Variants in PRDM11 observed in about 807,000 individuals in gnomAD.
PRDM11 encodes the protein PR domain-containing protein 11.
In PRDM11, 20 loss-of-function variants were observed where a neutral mutation model predicts 97.8. That is an observed-to-expected ratio of 0.20 (90% CI 0.14 to 0.30). The LOEUF is 0.30. PRDM11 is among the 10% of genes least tolerant of loss of function. The probability of loss-of-function intolerance (pLI) is 1.00; values close to 1 mark genes in which losing one functional copy is unlikely to be tolerated. For synonymous variants in PRDM11, 599 were observed against 637.7 expected (o/e 0.94, Z 0.91); for missense variants, 1,139 against 1,555.2 (o/e 0.73, Z 4.50).
At chr11:45,207,743 T>G (rs1853568729) in intron 5 of PRDM11, among the ~76,000 whole-genome samples, 1 of 152,224 alleles carries the variant, frequency 6.6e-6, no homozygotes, top group Non-Finnish European at 1.5e-5. Flanking sequence ...GCCACCATCT[T>G]GGACTGGGTA....
intron 1 of PRDM11, 151 bp from the exon 2 acceptor site, chr11:45,181,610 T>A (rs1479865357): frequency 1.6e-6 from 1 of 644,866 alleles, no homozygotes; most frequent in East Asian, 2.8e-5. Context: ...ACAGCTGTTT[T>A]TGTTGTCTGT....
intron 5 of PRDM11, chr11:45,208,940 T>C: frequency 2.2e-6 from 1 of 456,694 alleles, no homozygotes; most frequent in Non-Finnish European, 4.4e-6. Flanking sequence ...TGGACATTCT[T>C]GTCACAGAGG....
chr11:45,145,787 A>G (rs935048253), upstream of PRDM11, among the ~76,000 whole-genome samples: 9 of 152,260 alleles, frequency 5.9e-5, no homozygotes, highest in Middle Eastern at 3.4e-3. Flanking sequence ...CAAGGCTTCC[A>G]GCCCCATCGC....
At chr11:45,116,711 G>A (rs1590348622) in intron 1 of PRDM11, among the ~76,000 whole-genome samples, 1 of 152,302 alleles carries the variant, frequency 6.6e-6, no homozygotes, top group East Asian at 1.9e-4. Context: ...TTTGTACTTT[G>A]TTATGGCAGT....
At chr11:45,128,026 T>G (rs2135641594) in intron 1 of PRDM11, among the ~76,000 whole-genome samples, 1 of 152,344 alleles carries the variant, frequency 6.6e-6, no homozygotes, top group South Asian at 2.1e-4. Flanking sequence ...CTGCTTTGTT[T>G]ACCTATGCAA....
intron 1 of PRDM11, among the ~76,000 whole-genome samples, chr11:45,166,276 A>T (rs1384834974): frequency 6.6e-6 from 1 of 152,142 alleles, no homozygotes; most frequent in Non-Finnish European, 1.5e-5. Context: ...ATGAGGTGGC[A>T]CAGTGGTTGG....
chr11:45,105,549 G>T (rs1315812299), intron 1 of PRDM11, among the ~76,000 whole-genome samples: 4 of 152,250 alleles, frequency 2.6e-5, no homozygotes, highest in Non-Finnish European at 5.9e-5. Context: ...GAGGGCCTCA[G>T]CCTCCACTGC....
chr11:45,096,197 G>A (rs1273826995), intron 1 of PRDM11, among the ~76,000 whole-genome samples: 1 of 152,168 alleles, frequency 6.6e-6, no homozygotes, highest in Non-Finnish European at 1.5e-5. Flanking sequence ...GCAGGCACCT[G>A]CCATGTTCAC....
rs935016060 is a variant in PRDM11 at position 45,229,731 on chromosome 11, T to G, written c.*1572T>G. Reference sequence around the variant, plus strand: ...TTTATGCATATTTTATATGCAGAGATCCTATCACGTGGATGCAGGTCATTT... The same window carrying G: ...TTTATGCATATTTTATATGCAGAGAGCCTATCACGTGGATGCAGGTCATTT... On this transcript the variant is annotated 3_prime_UTR_variant, in exon 8 of 8. Coordinates refer to ENST00000683152, the MANE Select transcript of PRDM11 (RefSeq NM_001384648.1). 6.6e-6 allele frequency: 1 copy of G among 152,220 alleles called. No homozygotes were observed. Among genetic ancestry groups the G allele is most frequent in the Non-Finnish European group, 1.5e-5 (1 of 68,042 alleles). The allele number at this position is 152,220 out of a possible 1,614,324, so 9.4% of individuals were successfully genotyped here.
intron 1 of PRDM11, among the ~76,000 whole-genome samples, chr11:45,126,991 G>A (rs1185133309): frequency 1.3e-5 from 2 of 152,194 alleles, no homozygotes; most frequent in African/African-American, 2.4e-5. Flanking sequence ...ATGTAGATTT[G>A]GTCTTTTCAC....
rs1041477527 is a variant in PRDM11 at position 45,233,288 on chromosome 11, C to G, written c.*5129C>G. The G allele has an allele frequency of 6.6e-6, 1 of 152,270 alleles. No individual in the cohort carries two copies. Among genetic ancestry groups the G allele is most frequent in the African/African-American group, 2.4e-5 (1 of 41,426 alleles). The allele number at this position is 152,270 out of a possible 1,614,324, so 9.4% of individuals were successfully genotyped here. ...TTGGCTGGCAAGGGGGCCTCCTACC[C>G]GGAGTGTTGGAGAGGAGAGTGGCTG... On this transcript the variant is annotated 3_prime_UTR_variant, in exon 8 of 8. Transcript: ENST00000683152.
At chr11:45,135,497 C>CA (rs1222712019) in intron 1 of PRDM11, among the ~76,000 whole-genome samples, 1 of 151,958 alleles carries the variant, frequency 6.6e-6, no homozygotes, top group Non-Finnish European at 1.5e-5. Context: ...AATAGCTTTC[C>CA]AAATCCTAGC....
intron 1 of PRDM11, among the ~76,000 whole-genome samples, chr11:45,159,971 C>T (rs1043629988): frequency 3.9e-5 from 6 of 152,174 alleles, no homozygotes; most frequent in East Asian, 1.9e-4. Context: ...TTGGCTTGTG[C>T]GCCTCTGACT....
chr11:45,159,414 T>A (rs146954160), intron 1 of PRDM11, among the ~76,000 whole-genome samples: 85 of 152,316 alleles, frequency 5.6e-4, no homozygotes, highest in African/African-American at 1.9e-3. Context: ...GGAGTCCCTG[T>A]GGTTCACAAA....
chr11:45,209,093 A>G, intron 5 of PRDM11: 1 of 456,664 alleles, frequency 2.2e-6, no homozygotes, highest in South Asian at 1.5e-5. Flanking sequence ...TTAAGCACAG[A>G]TGGGATGACA....
chr11:45,115,347 TA>T (rs1852277953), intron 1 of PRDM11, among the ~76,000 whole-genome samples: 1 of 152,010 alleles, frequency 6.6e-6, no homozygotes, highest in African/African-American at 2.4e-5. Flanking sequence ...AAAGGTTCTT[TA>T]AAAAATGTTT....
intron 1 of PRDM11, among the ~76,000 whole-genome samples, chr11:45,124,203 G>A (rs1193803122): frequency 2.0e-5 from 3 of 149,078 alleles, no homozygotes; most frequent in Non-Finnish European, 4.5e-5. Context: ...TTTGTATCCT[G>A]AGACTTTGCT....
Position 45,234,375 on chromosome 11 carries a change from C to T in PRDM11, c.*6216C>T, listed in dbSNP as rs3740781. On this transcript the variant is annotated 3_prime_UTR_variant, in exon 8 of 8. Transcript: ENST00000683152. ...CCTCTGCCCCTGTCTTGCTCTTCCC[C>T]ACCATCCTACAAGTACCTCAGTCTC... 91,158 of 152,604 alleles carry T rather than the reference C, an allele frequency of 0.6. 29,058 individuals are homozygous for T. The highest frequency in any genetic ancestry group is 0.72 in the Non-Finnish European group (49,526 of 68,450). The allele number at this position is 152,604 out of a possible 1,614,324, so 9.5% of individuals were successfully genotyped here. A position where few individuals can be genotyped will look rare whatever the true frequency, so the allele number is the denominator to read the frequency against.
intron 5 of PRDM11, among the ~76,000 whole-genome samples, chr11:45,212,024 A>G (rs993296045): frequency 3.3e-5 from 5 of 152,242 alleles, no homozygotes. Context: ...TCAGCGTTAC[A>G]GAGCACCTTC....
Sources: gnomAD v4.1 joint callset for allele counts (sites outside exome capture counted in the v4.1 genomes callset) on GRCh38, gnomAD v4.1.1 for gene constraint, MANE v1.5 for transcripts, NCBI Gene and HGNC (gene_info 2026-07-23, HGNC 2026-07-21) for gene names.